The following CCSER1 variants were observed in gnomAD, a reference collection of about 807,000 sequenced individuals.
The protein encoded by CCSER1 is serine-rich coiled-coil domain-containing protein 1.
In CCSER1, 41 loss-of-function variants were observed where a neutral mutation model predicts 82.0. That is an observed-to-expected ratio of 0.50 (90% CI 0.39 to 0.65). CCSER1 has a LOEUF of 0.65. CCSER1 is among the 30% of genes least tolerant of loss of function. The pLI is 0.00. For missense variants in CCSER1, 1,119 were observed against 1,064.2 expected, an observed-to-expected ratio of 1.05 and a Z score of -0.72; for synonymous variants, 414 against 383.9, an observed-to-expected ratio of 1.08 and a Z score of -0.92.
chr4:90,865,344 C>A (rs1176753094), intron 8 of CCSER1, among the ~76,000 whole-genome samples: 1 of 152,116 alleles, frequency 6.6e-6, no homozygotes, highest in Admixed American at 6.6e-5. Flanking sequence ...AGAGCTATTT[C>A]ATTTCAGTTT....
chr4:90,229,139 G>A (rs1394294122), intron 1 of CCSER1, among the ~76,000 whole-genome samples: 1 of 152,046 alleles, frequency 6.6e-6, no homozygotes, highest in African/African-American at 2.4e-5. Flanking sequence ...GCTACTCCTC[G>A]AGAAGAGCAA....
chr4:90,600,985 T>G (rs1783968678), intron 5 of CCSER1, among the ~76,000 whole-genome samples: 1 of 151,994 alleles, frequency 6.6e-6, no homozygotes, highest in African/African-American at 2.4e-5. Context: ...TTTTTTTCAT[T>G]GCTAATGTAT....
chr4:91,517,786 T>G (rs2090385), intron 10 of CCSER1, among the ~76,000 whole-genome samples: 18,590 of 90,514 alleles, frequency 0.21, 1,295 homozygotes, highest in East Asian at 0.3. Context: ...GTGTGTGTGT[T>G]TAACTTTGAT....
chr4:91,132,720 A>T (rs949431116), intron 10 of CCSER1, among the ~76,000 whole-genome samples: 2 of 152,314 alleles, frequency 1.3e-5, no homozygotes, highest in Non-Finnish European at 2.9e-5. Context: ...GCATCTAAAC[A>T]TTTATGAAGT....
intron 3 of CCSER1, among the ~76,000 whole-genome samples, chr4:90,323,722 G>T (rs954038246): frequency 6.6e-6 from 1 of 151,972 alleles, no homozygotes; most frequent in Non-Finnish European, 1.5e-5. Flanking sequence ...ACAATGTGCA[G>T]GTTAGTTACA....
At chr4:91,449,622 A>G (rs1292744279) in intron 10 of CCSER1, among the ~76,000 whole-genome samples, 1 of 151,988 alleles carries the variant, frequency 6.6e-6, no homozygotes, top group Non-Finnish European at 1.5e-5. Context: ...GGCGGACCTC[A>G]TTTGGTTCTC....
intron 10 of CCSER1, among the ~76,000 whole-genome samples, chr4:91,101,135 C>G (rs1206512089): frequency 1.3e-5 from 2 of 152,126 alleles, no homozygotes; most frequent in Admixed American, 6.5e-5. Flanking sequence ...TATAAGAAAT[C>G]CATTACATAC....
intron 5 of CCSER1, among the ~76,000 whole-genome samples, chr4:90,490,115 T>G (rs1328887390): frequency 1.3e-5 from 2 of 152,204 alleles, no homozygotes; most frequent in African/African-American, 4.8e-5. Context: ...CCACAATGGT[T>G]GAACCAGTTT....
intron 8 of CCSER1, chr4:90,838,903 T>A: frequency 6.2e-7 from 1 of 1,613,296 alleles, no homozygotes. Flanking sequence ...GCACGCCTCA[T>A]TACGATTCGC....
At chr4:91,088,307 T>C (rs372594346) in intron 10 of CCSER1, among the ~76,000 whole-genome samples, 22 of 152,232 alleles carry the variant, frequency 1.4e-4, no homozygotes, top group African/African-American at 5.3e-4. Context: ...TTACCAAATA[T>C]TTATAAGAAG....
chr4:90,152,476 A>G lies in CCSER1; in HGVS notation c.-42+24645A>G, dbSNP rs139974495. The stretch of plus-strand genomic sequence containing the variant: ...GCTGCATGATGGAGAATTTTGGGAT[A>G]TTACAGTGAGCTTATGTGTACTGTT... On this transcript the variant is annotated intron_variant, in intron 1 of 10. Transcript: ENST00000509176. Among the ~76,000 whole-genome samples the G allele has an allele frequency of 2.1e-3, 318 of 152,254 alleles. 1 individual carries two copies. Among genetic ancestry groups the G allele is most frequent in the African/African-American group, 7.6e-3 (315 of 41,564 alleles).
chr4:90,200,915 C>T (rs1737572134), intron 1 of CCSER1, among the ~76,000 whole-genome samples: 1 of 152,024 alleles, frequency 6.6e-6, no homozygotes, highest in Non-Finnish European at 1.5e-5. Context: ...TTCCTGTCTT[C>T]AAGACTTTCA....
Position 90,924,523 on chromosome 4 carries a change from C to T in CCSER1, c.2172+1076C>T, listed in dbSNP as rs1289248668. Among the ~76,000 whole-genome samples, 4 of 152,082 alleles carry T rather than the reference C, an allele frequency of 2.6e-5. No individual in the cohort carries two copies. The South Asian group carries it at 8.3e-4, about 31-fold the overall frequency. ...TTATGTTTATTTTAAGGTATATTTA[C>T]TCTAGATATCTAAATTCTAGATCTC... is the stretch of plus-strand genomic sequence containing the variant. On this transcript the variant is annotated intron_variant, in intron 9 of 10. Coordinates refer to ENST00000509176, the MANE Select transcript of CCSER1 (RefSeq NM_001145065.2).
intron 1 of CCSER1, among the ~76,000 whole-genome samples, chr4:90,148,739 C>T (rs942793510): frequency 6.6e-6 from 1 of 152,060 alleles, no homozygotes; most frequent in Admixed American, 6.6e-5. Flanking sequence ...AATGTTTTAC[C>T]TATGATGTCA....
At chr4:90,905,142 T>C (rs982224561) in intron 8 of CCSER1, among the ~76,000 whole-genome samples, 1 of 152,144 alleles carries the variant, frequency 6.6e-6, no homozygotes, top group Non-Finnish European at 1.5e-5. Context: ...GCATTTCCTC[T>C]AGACAATTGC....
intron 9 of CCSER1, among the ~76,000 whole-genome samples, chr4:91,020,390 C>A (rs1000385522): frequency 6.6e-6 from 1 of 152,024 alleles, no homozygotes; most frequent in African/African-American, 2.4e-5. Flanking sequence ...TGGCCGGGTG[C>A]GGTGGCTCAC....
At chr4:91,442,500 A>T (rs1470312399) in intron 10 of CCSER1, among the ~76,000 whole-genome samples, 2 of 134,914 alleles carry the variant, frequency 1.5e-5, no homozygotes, top group Admixed American at 1.6e-4. Context: ...TAAACGTTAG[A>T]CCTAAAACCA....
At chr4:91,202,649 GATGTTGA>G (rs1735997119) in intron 10 of CCSER1, among the ~76,000 whole-genome samples, 1 of 124,060 alleles carries the variant, frequency 8.1e-6, no homozygotes, top group Non-Finnish European at 1.7e-5. Context: ...CCTTGAATTT[GATGTTGA>G]CCTTCATAAA....
At chr4:90,564,352 G>A (rs759380223) in intron 5 of CCSER1, among the ~76,000 whole-genome samples, 1 of 152,100 alleles carries the variant, frequency 6.6e-6, no homozygotes, top group Non-Finnish European at 1.5e-5. Flanking sequence ...ACCACACCCA[G>A]TCCATTGTTT....
Sources: gnomAD v4.1 joint callset for allele counts (sites outside exome capture counted in the v4.1 genomes callset) on GRCh38, gnomAD v4.1.1 for gene constraint, MANE v1.5 for transcripts, NCBI Gene and HGNC (gene_info 2026-07-23, HGNC 2026-07-21) for gene names.